FBLN2: variants seen among roughly 807,000 people sequenced by gnomAD.
FBLN2 encodes fibulin-2.
In FBLN2, 81 loss-of-function variants were observed where a neutral mutation model predicts 123.7. That is an observed-to-expected ratio of 0.65 (90% CI 0.55 to 0.79). The LOEUF (loss-of-function observed/expected upper bound fraction) is 0.79, where lower values mean the gene tolerates loss of function less well. Among genes scored for constraint, FBLN2 ranks in the 30% least tolerant of loss-of-function variants. The pLI, the probability that FBLN2 is intolerant of heterozygous loss-of-function variation, is 0.00. For missense variants in FBLN2, 1,603 were observed against 1,681.3 expected (o/e 0.95, Z 0.81); for synonymous variants, 699 against 701.4 (o/e 1.00, Z 0.05).
At position 13,637,739 on chromosome 3, in the gene FBLN2, T is replaced by C. The variant is rs185622691; in HGVS notation, c.3516T>C (p.Asn1172=). 4,776 of 1,613,926 alleles carry C rather than the reference T, an allele frequency of 3.0e-3. 13 individuals carry two copies. The highest frequency in any genetic ancestry group is 3.7e-3 in the Non-Finnish European group (4,335 of 1,179,822). Residue 1172 remains asparagine, a synonymous_variant, in exon 18 of 18, where the codon AAT becomes AAC. Coordinates refer to ENST00000404922, the MANE Select transcript of FBLN2 (RefSeq NM_001004019.2). ...DTIALNIIKG[N]EEGYFGTRRL... ...TCGCCCTGAACATCATCAAGGGCAA[T>C]GAGGAGGGCTACTTTGGCACGCGCA...
At chr3:13,620,990 C>T (rs1275932920) in intron 8 of FBLN2, among the ~76,000 whole-genome samples, 4 of 152,266 alleles carry the variant, frequency 2.6e-5, no homozygotes, top group African/African-American at 9.6e-5. Flanking sequence ...GCCCCGCCCC[C>T]CATCTCCCAG....
chr3:13,626,329 C>T, intron 9 of FBLN2, 116 bp from the exon 10 acceptor site: 1 of 1,083,966 alleles, frequency 9.2e-7, no homozygotes, highest in Non-Finnish European at 1.3e-6. Context: ...GAATGGTGAG[C>T]TCCCTGAGGG....
Position 13,612,273 on chromosome 3 carries a change from CCTTTT to C in FBLN2, c.1549-1700_1549-1696del, listed in dbSNP as rs201064769. On this transcript the variant is annotated intron_variant, in intron 4 of 17. Transcript: ENST00000404922. ...TTTCTTTTCTTTTTTCTTTTATTTT[CCTTTT>C]CTTTTCTTTTATTTTCCTTTCTTTC... Among the ~76,000 whole-genome samples, 368 of 137,602 alleles carry C rather than the reference CCTTTT, an allele frequency of 2.7e-3. 1 individual carries two copies. Among genetic ancestry groups the C allele is most frequent in the Admixed American group, 3.1e-3 (45 of 14,368 alleles). The allele number at this position is 137,602 out of a possible 152,430, so 90.3% of individuals were successfully genotyped here.
At chr3:13,629,968 C>T (rs1706198577) in intron 14 of FBLN2, 23 bp downstream of exon 14, 1 of 1,608,564 alleles carries the variant, frequency 6.2e-7, no homozygotes, top group African/African-American at 1.3e-5. Context: ...TCATCTCTGA[C>T]CCTATGCCGC....
chr3:13,557,864 G>T (rs1703503374), intron 1 of FBLN2, among the ~76,000 whole-genome samples: 1 of 152,240 alleles, frequency 6.6e-6, no homozygotes, highest in African/African-American at 2.4e-5. Context: ...CTAGTGGCAG[G>T]GCTAGGTTCA....
chr3:13,637,913 C>T lies in FBLN2; in HGVS notation c.3690C>T (p.Ala1230=). 6.3e-7 allele frequency: 1 copy of T among 1,582,046 alleles called. No homozygotes were observed. The highest frequency in any genetic ancestry group is 8.6e-7 in the Non-Finnish European group (1 of 1,160,500). The stretch of plus-strand genomic sequence containing the variant: ...TGCACATCTTCTTCACCACCTTTGC[C>T]CTGTGAGGTGCCAGCACGGGCCACC... ...AKMHIFFTTF[A]L The change falls in exon 18 of 18, where the codon GCC becomes GCT. Residue 1230 remains alanine, a synonymous_variant. Transcript: ENST00000404922.
At chr3:13,574,022 C>T (rs3773297) in intron 2 of FBLN2, among the ~76,000 whole-genome samples, 7,020 of 152,212 alleles carry the variant, frequency 0.046, 253 homozygotes, top group South Asian at 0.14. Context: ...CTCCCTGTAG[C>T]CCACTCTCCA....
chr3:13,557,061 G>C (rs1180945162), intron 1 of FBLN2, among the ~76,000 whole-genome samples: 1 of 152,272 alleles, frequency 6.6e-6, no homozygotes, highest in African/African-American at 2.4e-5. Context: ...TTCCTCTGCA[G>C]GTGGTCTGTG....
rs571242985 is a variant in FBLN2 at position 13,619,686 on chromosome 3, G to C, written c.2054-44G>C. ...TGGGGAATGAGCCAGTGTGGACCAA[G>C]GCCAGGGCCTGGTGGTCTCTGATTT... On this transcript the variant is annotated intron_variant, in intron 7 of 17. Transcript: ENST00000404922. 6 of 1,562,092 alleles carry C rather than the reference G, an allele frequency of 3.8e-6. No individual in the cohort carries two copies. In the East Asian group the frequency reaches 1.4e-4, roughly 35 times the overall value.
intron 2 of FBLN2, among the ~76,000 whole-genome samples, chr3:13,591,383 A>T (rs1704669627): frequency 6.6e-6 from 1 of 152,270 alleles, no homozygotes; most frequent in Admixed American, 6.5e-5. Flanking sequence ...TCTGAGGAAC[A>T]CAAGTTCCAA....
chr3:13,602,704 T>C (rs562736473), intron 2 of FBLN2, among the ~76,000 whole-genome samples: 84 of 152,300 alleles, frequency 5.5e-4, no homozygotes, highest in Non-Finnish European at 1.1e-3. Flanking sequence ...TTAATTGTTA[T>C]GGGGGTATAG....
At chr3:13,573,131 G>T (rs774012838) in intron 2 of FBLN2, among the ~76,000 whole-genome samples, 37 of 152,266 alleles carry the variant, frequency 2.4e-4, no homozygotes, top group Admixed American at 1.6e-3. Context: ...CCCGCACCTG[G>T]GGGGAGCGCC....
At position 13,625,398 on chromosome 3, in the gene FBLN2, G is replaced by A. The variant is rs776816666; in HGVS notation, c.2297-1047G>A. On this transcript the variant is annotated intron_variant, in intron 9 of 17. Coordinates refer to ENST00000404922, the MANE Select transcript of FBLN2 (RefSeq NM_001004019.2). ...GGAGCTGGTCCTTGGCCTCCTCTCC[G>A]TGTGATCTCTCCCCTGGGTGGCCTC... is the stretch of plus-strand genomic sequence containing the variant. 6.6e-5 allele frequency among the ~76,000 whole-genome samples: 10 copies of A among 152,244 alleles called. No individual in the cohort carries two copies. The East Asian group carries it at 7.7e-4, about 12-fold the overall frequency.
chr3:13,591,955 A>G (rs527853167), intron 2 of FBLN2, among the ~76,000 whole-genome samples: 53 of 150,314 alleles, frequency 3.5e-4, no homozygotes, highest in African/African-American at 1.3e-3. Context: ...ACTGCGTTAC[A>G]TTGTTAGCTT....
In FBLN2 at chr3:13,551,175, C is replaced by A. The variant is rs564188719; in HGVS notation, c.-42+1967C>A. On this transcript the variant is annotated intron_variant, in intron 1 of 17. Transcript: ENST00000404922. Reference sequence around the variant, plus strand: ...ATTGGGCTGATTTTGCTCCATTGCCCGCCTCAAGCATAGGCCCAGGCTGGT... The same window carrying A: ...ATTGGGCTGATTTTGCTCCATTGCCAGCCTCAAGCATAGGCCCAGGCTGGT... 4.1e-3 allele frequency among the ~76,000 whole-genome samples: 626 copies of A among 152,304 alleles called. 1 individual carries two copies. The highest frequency in any genetic ancestry group is 7.1e-3 in the Non-Finnish European group (486 of 68,028).
intron 2 of FBLN2, among the ~76,000 whole-genome samples, chr3:13,578,129 G>C (rs1436619217): frequency 6.6e-6 from 1 of 152,252 alleles, no homozygotes; most frequent in Admixed American, 6.5e-5. Context: ...GCCAAGGCTA[G>C]GCCTGCGGTG....
At chr3:13,617,991 C>A in intron 5 of FBLN2, 85 bp from the exon 6 acceptor site, 1 of 1,203,164 alleles carries the variant, frequency 8.3e-7, no homozygotes, top group Non-Finnish European at 1.2e-6. Flanking sequence ...TTGATGAGGA[C>A]CTGCACTAGT....
At chr3:13,613,717 T>A (rs1705478320) in intron 4 of FBLN2, among the ~76,000 whole-genome samples, 1 of 152,288 alleles carries the variant, frequency 6.6e-6, no homozygotes, top group African/African-American at 2.4e-5. Flanking sequence ...CTAGTAAACA[T>A]GAGGGGATAA....
At chr3:13,598,014 C>T (rs1383189257) in intron 2 of FBLN2, among the ~76,000 whole-genome samples, 2 of 152,196 alleles carry the variant, frequency 1.3e-5, no homozygotes, top group Non-Finnish European at 2.9e-5. Context: ...AGGCATTGCT[C>T]CCCCTCGGCC....
Sources: gnomAD v4.1 joint callset for allele counts (sites outside exome capture counted in the v4.1 genomes callset) on GRCh38, gnomAD v4.1.1 for gene constraint, MANE v1.5 for transcripts, NCBI Gene and HGNC (gene_info 2026-07-23, HGNC 2026-07-21) for gene names.